Variants in FRMPD3 observed in about 807,000 individuals in gnomAD.
The protein encoded by FRMPD3 is FERM and PDZ domain containing 3.
FRMPD3 carries 42 observed loss-of-function variants against 97.9 expected under a neutral mutation model. The observed-to-expected ratio is 0.43, with a 90% CI of 0.34 to 0.55. FRMPD3 has a LOEUF of 0.55. Ranked by LOEUF, FRMPD3 falls within the 20% of genes least tolerant of loss-of-function variation. The pLI is 0.03. For missense variants in FRMPD3, 1,303 were observed against 1,457.7 expected, an observed-to-expected ratio of 0.89 and a Z score of 1.73; for synonymous variants, 577 against 581.1, an observed-to-expected ratio of 0.99 and a Z score of 0.10.
chrX:107,526,624 G>A lies in FRMPD3; in HGVS notation c.36G>A (p.Glu12=). ...AGAGCGCAAATGATATGGAATGTGA[G>A]CAGCTGCCAGCAGAGATACTGCGAC... ...QEESANDMEC[E]QLPAEILRQV... The change falls in exon 2 of 15, where the codon GAG becomes GAA. Residue 12 remains glutamate, a synonymous_variant. Transcript: ENST00000683843. 1 of 1,205,954 alleles carries A rather than the reference G, an allele frequency of 8.3e-7. No homozygotes were observed. Among genetic ancestry groups the A allele is most frequent in the Non-Finnish European group, 1.1e-6 (1 of 893,567 alleles).
At chrX:107,533,618 A>AT in intron 4 of FRMPD3, 68 bp downstream of exon 4, 1 of 1,022,232 alleles carries the variant, frequency 9.8e-7, no homozygotes, top group Non-Finnish European at 1.4e-6. Flanking sequence ...CATATTGGAA[A>AT]GCAACAGTGA....
rs896945440 is a variant in FRMPD3, at chrX:107,604,166, T to C, written c.*793T>C. ...CCCAGTGCAGGCCTAGGAGCCCGCCTAGCCCGGCCCAGCCCAGCTCAGGGG... is the reference window on the plus strand; with the variant it reads ...CCCAGTGCAGGCCTAGGAGCCCGCCCAGCCCGGCCCAGCCCAGCTCAGGGG... On this transcript the variant is annotated 3_prime_UTR_variant, in exon 15 of 15. Coordinates refer to ENST00000683843, the MANE Select transcript of FRMPD3 (RefSeq NM_001388459.1). 17 of 106,868 alleles carry C rather than the reference T, an allele frequency of 1.6e-4. No homozygotes were observed. Among genetic ancestry groups the C allele is most frequent in the African/African-American group, 5.5e-4 (16 of 29,253 alleles). 8.8% of individuals were successfully genotyped at this position (106,868 alleles called of 1,213,427 possible).
intron 1 of FRMPD3, chrX:107,522,623 A>G: frequency 2.4e-6 from 1 of 420,494 alleles, no homozygotes; most frequent in South Asian, 4.0e-5. Context: ...TGGAGGAGGA[A>G]CAGTCACCTA....
At chrX:107,594,810 G>T (rs1185691200) in intron 13 of FRMPD3, among the ~76,000 whole-genome samples, 1 of 110,909 alleles carries the variant, frequency 9.0e-6, no homozygotes, top group Non-Finnish European at 1.9e-5. Context: ...GAACCCGGGA[G>T]GTGGAGGTTG....
chrX:107,577,162 T>TAA (rs1170985688), intron 13 of FRMPD3, among the ~76,000 whole-genome samples: 1 of 32,062 alleles, frequency 3.1e-5, no homozygotes, highest in African/African-American at 9.5e-5. Flanking sequence ...CTGTCTCTAC[T>TAA]AAAAAAAAAA....
intron 1 of FRMPD3, among the ~76,000 whole-genome samples, chrX:107,451,969 G>T (rs1439811975): frequency 9.0e-6 from 1 of 111,664 alleles, no homozygotes; most frequent in Non-Finnish European, 1.9e-5. Context: ...CCTCTCCCCC[G>T]CCCCCTTAGA....
chrX:107,566,931 G>A (rs1469102888), intron 12 of FRMPD3, among the ~76,000 whole-genome samples: 1 of 111,290 alleles, frequency 9.0e-6, no homozygotes, highest in Non-Finnish European at 1.9e-5. Context: ...ATGCTGCCCT[G>A]GAGAGGCTAC....
chrX:107,559,299 T>C (rs1330555594), intron 8 of FRMPD3, among the ~76,000 whole-genome samples: 1 of 111,607 alleles, frequency 9.0e-6, no homozygotes, highest in Non-Finnish European at 1.9e-5. Flanking sequence ...TTAGGCATTA[T>C]AAGTAATCTA....
At position 107,602,524 on chromosome X, in the gene FRMPD3, C is replaced by T. The variant is rs754045532; in HGVS notation, c.4485C>T (p.Arg1495=). ...DSESSKCCSI[R]YCFYYRKCDM... ...AGAGCAGCAAGTGCTGCTCCATCCG[C>T]TACTGCTTCTACTACCGCAAGTGTG... The change falls in exon 15 of 15, where the codon CGC becomes CGT. Residue 1495 remains arginine (R), a synonymous_variant. Transcript: ENST00000683843. 5 of 1,210,631 alleles carry T rather than the reference C, an allele frequency of 4.1e-6. No individual in the cohort carries two copies. Among genetic ancestry groups the T allele is most frequent in the Non-Finnish European group, 5.6e-6 (5 of 895,381 alleles).
intron 1 of FRMPD3, among the ~76,000 whole-genome samples, chrX:107,468,121 C>T (rs941646624): frequency 9.0e-6 from 1 of 111,587 alleles, no homozygotes; most frequent in African/African-American, 3.3e-5. Context: ...CTCTACTTCT[C>T]CCCATCCTAG....
At chrX:107,592,459 C>A (rs1923952837) in intron 13 of FRMPD3, among the ~76,000 whole-genome samples, 2 of 111,284 alleles carry the variant, frequency 1.8e-5, no homozygotes, top group African/African-American at 6.5e-5. Context: ...ATCTTGGCTC[C>A]AAAAGTGCTG....
At chrX:107,576,724 A>G (rs756959452) in intron 13 of FRMPD3, among the ~76,000 whole-genome samples, 8 of 112,465 alleles carry the variant, frequency 7.1e-5, no homozygotes, top group African/African-American at 2.6e-4. Flanking sequence ...AATAGCAAAC[A>G]TGATAAATAG....
At chrX:107,505,042 A>T (rs1176375668) in intron 1 of FRMPD3, among the ~76,000 whole-genome samples, 1 of 112,374 alleles carries the variant, frequency 8.9e-6, no homozygotes, top group Non-Finnish European at 1.9e-5. Context: ...AGGCTGAGTG[A>T]TTCAAGGAAG....
chrX:107,531,751 G>T (rs1212912232), intron 3 of FRMPD3, among the ~76,000 whole-genome samples: 2 of 111,517 alleles, frequency 1.8e-5, no homozygotes, highest in Non-Finnish European at 3.8e-5. Context: ...CCAATATGAG[G>T]TGAGTTCTTT....
At chrX:107,593,059 T>C (rs7886322) in intron 13 of FRMPD3, among the ~76,000 whole-genome samples, 18,877 of 111,279 alleles carry the variant, frequency 0.17, 3,453 homozygotes, top group African/African-American at 0.55. Flanking sequence ...TACAGGCATG[T>C]GCTATCGCGC....
At chrX:107,563,255 C>A in intron 11 of FRMPD3, 55 bp downstream of exon 11, 1 of 1,020,721 alleles carries the variant, frequency 9.8e-7, no homozygotes, top group Non-Finnish European at 1.4e-6. Flanking sequence ...TGGCTCTTGT[C>A]CTTGGGTGTG....
intron 12 of FRMPD3, 69 bp from the exon 13 acceptor site, chrX:107,576,246 C>T: frequency 8.9e-7 from 1 of 1,125,749 alleles, no homozygotes; most frequent in Non-Finnish European, 1.2e-6. Flanking sequence ...TGCTAGCTAC[C>T]ATGCCTCTGA....
intron 13 of FRMPD3, among the ~76,000 whole-genome samples, chrX:107,577,415 C>T (rs1180647325): frequency 4.2e-5 from 4 of 95,746 alleles, no homozygotes; most frequent in Middle Eastern, 6.2e-3. Flanking sequence ...ATCTAGAAGG[C>T]GGAGGTTGTA....
At position 107,466,989 on chromosome X, in the gene FRMPD3, G is replaced by GGTGTGTGT. The variant is rs773231357; in HGVS notation, c.-8+17012_-8+17019dup. ...TCTGTTGAAATTGAGACAGGTTGGA[G>GGTGTGTGT]GTGTGTGTGTGTGTGTGTGTGTGTG... On this transcript the variant is annotated intron_variant, in intron 1 of 14. Coordinates refer to ENST00000683843, the MANE Select transcript of FRMPD3 (RefSeq NM_001388459.1). 8.4e-3 allele frequency among the ~76,000 whole-genome samples: 823 copies of GGTGTGTGT among 98,091 alleles called. 12 individuals are homozygous for GGTGTGTGT. The highest frequency in any genetic ancestry group is 0.031 in the African/African-American group (754 of 24,400). The allele number at this position is 98,091 out of a possible 115,157, so 85.2% of individuals were successfully genotyped here. A position where few individuals can be genotyped will look rare whatever the true frequency, so the allele number is the denominator to read the frequency against.
Sources: gnomAD v4.1 joint callset for allele counts (sites outside exome capture counted in the v4.1 genomes callset) on GRCh38, gnomAD v4.1.1 for gene constraint, MANE v1.5 for transcripts, NCBI Gene and HGNC (gene_info 2026-07-23, HGNC 2026-07-21) for gene names.